The following CPQ variants were observed in gnomAD, a reference collection of about 807,000 sequenced individuals.
CPQ encodes the protein carboxypeptidase Q.
Under a neutral mutation model 45.7 loss-of-function variants are expected in CPQ, and 37 were observed. The observed-to-expected ratio is 0.81, with a 90% confidence interval of 0.62 to 1.07. The LOEUF (loss-of-function observed/expected upper bound fraction) is 1.07, where lower values mean the gene tolerates loss of function less well. Ranked by LOEUF, CPQ falls within the 50% of genes least tolerant of loss-of-function variation. The pLI, the probability that CPQ is intolerant of heterozygous loss-of-function variation, is 0.00. For synonymous variants in CPQ, 186 were observed against 205.8 expected (o/e 0.90, Z 0.82); for missense variants, 537 against 572.9 (o/e 0.94, Z 0.64).
intron 1 of CPQ, among the ~76,000 whole-genome samples, chr8:96,662,367 T>C (rs542950929): frequency 6.6e-6 from 1 of 152,364 alleles, no homozygotes; most frequent in East Asian, 1.9e-4. Context: ...GGGGGCAAAG[T>C]GAAGACATTG....
At chr8:96,958,894 A>G (rs1166830835) in intron 4 of CPQ, among the ~76,000 whole-genome samples, 1 of 149,058 alleles carries the variant, frequency 6.7e-6, no homozygotes, top group Non-Finnish European at 1.5e-5. Context: ...CTACAAGCTA[A>G]CACCCAACAG....
chr8:97,076,424 A>G (rs1478821323), intron 7 of CPQ, among the ~76,000 whole-genome samples: 3 of 152,196 alleles, frequency 2.0e-5, no homozygotes, highest in Non-Finnish European at 2.9e-5. Context: ...CCAGTTTTCA[A>G]ATATTCCCAA....
intron 1 of CPQ, among the ~76,000 whole-genome samples, chr8:96,718,863 A>G (rs959872858): frequency 2.6e-5 from 4 of 152,164 alleles, no homozygotes; most frequent in African/African-American, 4.8e-5. Flanking sequence ...CAGAGTGTCA[A>G]TTGGTGCATT....
intron 6 of CPQ, among the ~76,000 whole-genome samples, chr8:97,043,499 A>T (rs944316565): frequency 1.3e-5 from 2 of 152,050 alleles, no homozygotes; most frequent in African/African-American, 4.8e-5. Flanking sequence ...TAAAGATAAT[A>T]TTGTTATGTG....
intron 7 of CPQ, among the ~76,000 whole-genome samples, chr8:97,140,649 G>A (rs1231062995): frequency 1.3e-5 from 2 of 152,046 alleles, no homozygotes; most frequent in Non-Finnish European, 2.9e-5. Context: ...ATTTAAAATA[G>A]ATATTACCAC....
intron 4 of CPQ, among the ~76,000 whole-genome samples, chr8:96,926,634 C>T (rs958485047): frequency 0.042 from 3,060 of 72,732 alleles, 142 homozygotes; most frequent in African/African-American, 0.2. Flanking sequence ...TCCTCCTTCT[C>T]CTTCTTCTTC....
At chr8:96,853,147 A>T (rs993045779) in intron 3 of CPQ, among the ~76,000 whole-genome samples, 1 of 152,220 alleles carries the variant, frequency 6.6e-6, no homozygotes, top group Non-Finnish European at 1.5e-5. Context: ...ATTCTTCCTC[A>T]GTTGCCACAC....
chr8:97,064,744 A>G (rs1202905516), intron 6 of CPQ, among the ~76,000 whole-genome samples: 2 of 152,226 alleles, frequency 1.3e-5, no homozygotes, highest in Admixed American at 1.3e-4. Flanking sequence ...TGTTTTAGAA[A>G]AAAATACTAT....
intron 1 of CPQ, among the ~76,000 whole-genome samples, chr8:96,731,603 C>T (rs1311492211): frequency 1.3e-5 from 2 of 152,068 alleles, no homozygotes; most frequent in Non-Finnish European, 2.9e-5. Flanking sequence ...TGAAATGACT[C>T]AGGAAATGCT....
intron 6 of CPQ, among the ~76,000 whole-genome samples, chr8:97,034,831 A>G (rs1005602116): frequency 1.3e-5 from 2 of 151,902 alleles, no homozygotes; most frequent in African/African-American, 4.8e-5. Context: ...GTCTTTCACT[A>G]AACAGTATGG....
chr8:97,085,523 A>G (rs933213257), intron 7 of CPQ, among the ~76,000 whole-genome samples: 20 of 152,250 alleles, frequency 1.3e-4, no homozygotes, highest in Admixed American at 1.3e-3. Context: ...CTGAATCTAC[A>G]TGTCATCTAT....
At chr8:97,082,236 A>G (rs943788754) in intron 7 of CPQ, among the ~76,000 whole-genome samples, 1 of 152,222 alleles carries the variant, frequency 6.6e-6, no homozygotes, top group Non-Finnish European at 1.5e-5. Context: ...TGGTGCTTGC[A>G]TTCTCTCAGC....
chr8:96,771,043 C>A (rs1407988313), intron 1 of CPQ, among the ~76,000 whole-genome samples: 1 of 146,824 alleles, frequency 6.8e-6, no homozygotes, highest in African/African-American at 2.5e-5. Context: ...GCAGGGAGAT[C>A]AGTTAGGAGA....
intron 3 of CPQ, among the ~76,000 whole-genome samples, chr8:96,850,240 T>C (rs1385446601): frequency 2.6e-5 from 4 of 152,188 alleles, no homozygotes; most frequent in Non-Finnish European, 5.9e-5. Context: ...TGTGAAAAGG[T>C]AAGCTTTCCA....
At chr8:96,924,907 T>G (rs915327908) in intron 4 of CPQ, among the ~76,000 whole-genome samples, 1 of 152,222 alleles carries the variant, frequency 6.6e-6, no homozygotes, top group African/African-American at 2.4e-5. Context: ...ACTTTTTAAC[T>G]TTTTTGTTCT....
chr8:97,086,325 AG>A (rs1350739966), intron 7 of CPQ, among the ~76,000 whole-genome samples: 14 of 152,330 alleles, frequency 9.2e-5, no homozygotes, highest in African/African-American at 3.4e-4. Context: ...GAAGACCATA[AG>A]GTGCCAAATA....
At chr8:96,730,628 G>A (rs1478080626) in intron 1 of CPQ, among the ~76,000 whole-genome samples, 1 of 151,772 alleles carries the variant, frequency 6.6e-6, no homozygotes, top group Non-Finnish European at 1.5e-5. Context: ...TATTTTGGAA[G>A]ACTAAGTCAA....
chr8:96,903,148 A>G (rs1301317520), intron 4 of CPQ, among the ~76,000 whole-genome samples: 1 of 152,230 alleles, frequency 6.6e-6, no homozygotes, highest in African/African-American at 2.4e-5. Context: ...GATAGGCAGC[A>G]TAGTGATACT....
chr8:96,979,558 T>C (rs910363681), intron 5 of CPQ, among the ~76,000 whole-genome samples: 1 of 152,232 alleles, frequency 6.6e-6, no homozygotes, highest in African/African-American at 2.4e-5. Context: ...AAAGCTGTGG[T>C]TTACCCAGCT....
Sources: allele counts gnomAD v4.1 joint callset (sites outside exome capture counted in the v4.1 genomes callset), GRCh38; gene constraint gnomAD v4.1.1; transcripts MANE v1.5; gene names NCBI Gene and HGNC (gene_info 2026-07-23, HGNC 2026-07-21).